The following DYDC1 variants were observed in gnomAD, a reference collection of about 807,000 sequenced individuals.
DYDC1 encodes the protein DPY30 domain-containing protein 1.
In DYDC1, 21 loss-of-function variants were observed where a neutral mutation model predicts 27.9. The observed-to-expected ratio is 0.75, with a 90% CI of 0.53 to 1.08. The LOEUF (loss-of-function observed/expected upper bound fraction) is 1.08, where lower values mean the gene tolerates loss of function less well. DYDC1 is among the 50% of genes least tolerant of loss of function. The pLI, the probability that DYDC1 is intolerant of heterozygous loss-of-function variation, is 0.00. For missense variants in DYDC1, 202 were observed against 205.9 expected (o/e 0.98, Z 0.12); for synonymous variants, 67 against 65.8 (o/e 1.02, Z -0.09).
intron 6 of DYDC1, among the ~76,000 whole-genome samples, chr10:80,337,843 C>A (rs1019910726): frequency 1.3e-5 from 2 of 152,206 alleles, no homozygotes; most frequent in African/African-American, 4.8e-5. Context: ...CAAAATGTAC[C>A]CTTCTTCCAG....
intron 4 of DYDC1, among the ~76,000 whole-genome samples, chr10:80,342,043 A>G (rs1842343489): frequency 7.3e-6 from 1 of 137,490 alleles, no homozygotes; most frequent in African/African-American, 2.8e-5. Flanking sequence ...AAAAAAAAAA[A>G]GGAACCAGTG....
chr10:80,356,145 T>C, intron 1 of DYDC1: 1 of 694,648 alleles, frequency 1.4e-6, no homozygotes, highest in African/African-American at 1.9e-5. Context: ...TCTGGGCATA[T>C]CAGTGGGACC....
intron 6 of DYDC1, among the ~76,000 whole-genome samples, chr10:80,336,571 T>C (rs558496324): frequency 6.6e-6 from 1 of 152,346 alleles, no homozygotes; most frequent in Admixed American, 6.5e-5. Flanking sequence ...GACTGCTGAA[T>C]TTATATCTCC....
downstream of DYDC1, chr10:80,336,061 AG>A (rs1462047566): frequency 4.5e-5 from 35 of 777,538 alleles, no homozygotes; most frequent in East Asian, 8.8e-4. Flanking sequence ...AAAAAAGGGG[AG>A]TTCAAGTTTG....
chr10:80,344,137 A>C lies in DYDC1; in HGVS notation c.250-1776T>G, dbSNP rs1199786051. Among the ~76,000 whole-genome samples the C allele has an allele frequency of 2.0e-5, 3 of 152,132 alleles. 1 individual carries two copies. The South Asian group carries it at 6.2e-4, about 32-fold the overall frequency. On this transcript the variant is annotated intron_variant, in intron 3 of 6. Coordinates refer to ENST00000372202, the MANE Select transcript of DYDC1 (RefSeq NM_001269053.2). ...TCTTAAAAAAATAAAAATAACAAAA[A>C]CAGAATTATCACAGCAGAATTTATT...
chr10:80,345,393 T>C (rs1025088063), intron 3 of DYDC1, among the ~76,000 whole-genome samples: 3 of 152,206 alleles, frequency 2.0e-5, no homozygotes, highest in African/African-American at 7.2e-5. Context: ...GCAATTTCAA[T>C]ATCCATCATC....
At position 80,351,998 on chromosome 10, in the gene DYDC1, T is replaced by G; in HGVS notation, c.152A>C (p.Gln51Pro). The G allele has an allele frequency of 6.2e-7, 1 of 1,614,064 alleles. No homozygotes were observed. The highest frequency in any genetic ancestry group is 8.5e-7 in the Non-Finnish European group (1 of 1,179,998). Residue 51 changes from glutamine (Q) to proline (P), a missense_variant, in exon 3 of 7, where the codon CAA becomes CCA. Physicochemically the swap from Gln to Pro is moderately conservative, Grantham distance 76. Coordinates refer to ENST00000372202, the MANE Select transcript of DYDC1 (RefSeq NM_001269053.2). ...ACGCTCCAGCTTGGCCATTTCCTTT[T>G]GTCTCTAGCATTGTTTAAAAACAAC... Reference protein sequence around the residue: ...KENVTMEQLRQKEMAKLERER... With the variant: ...KENVTMEQLRPKEMAKLERER...
intron 1 of DYDC1, 93 bp downstream of exon 1, chr10:80,356,619 G>A: frequency 1.0e-6 from 1 of 985,526 alleles, no homozygotes; most frequent in Non-Finnish European, 1.2e-6. Context: ...CGACGCCCAA[G>A]GCCCAACGGT....
intron 6 of DYDC1, chr10:80,337,045 C>A (rs1410820828): frequency 2.0e-5 from 18 of 884,094 alleles, no homozygotes; most frequent in Non-Finnish European, 2.3e-5. Flanking sequence ...CTTTATCCAC[C>A]TCTCCAGCTT....
chr10:80,348,477 C>G (rs763938256), intron 3 of DYDC1, among the ~76,000 whole-genome samples: 12 of 152,190 alleles, frequency 7.9e-5, no homozygotes, highest in African/African-American at 9.7e-5. Context: ...TCACAAGTAA[C>G]GTAAAGCTGC....
intron 3 of DYDC1, among the ~76,000 whole-genome samples, chr10:80,343,301 G>A (rs2132762819): frequency 1.3e-5 from 2 of 152,264 alleles, no homozygotes; most frequent in East Asian, 1.9e-4. Flanking sequence ...GTCTACGAGC[G>A]CTTTTGTGCT....
chr10:80,338,112 C>T, intron 6 of DYDC1: 2 of 985,410 alleles, frequency 2.0e-6, no homozygotes, highest in Non-Finnish European at 2.4e-6. Context: ...AGCATGCATT[C>T]TCATTAAGGC....
In DYDC1 at chr10:80,351,571, G is replaced by A. The variant is rs1842976858; in HGVS notation, c.249+330C>T. Among the ~76,000 whole-genome samples, 3 of 150,208 alleles carry A rather than the reference G, an allele frequency of 2.0e-5. No homozygotes were observed. The South Asian group carries it at 6.4e-4, about 32-fold the overall frequency. ...TTTCCATTCAGCAATAGATATGGTT[G>A]ACCACTCAGATCTCACCAAAACAGT... On this transcript the variant is annotated intron_variant, in intron 3 of 6. Coordinates refer to ENST00000372202, the MANE Select transcript of DYDC1 (RefSeq NM_001269053.2).
At chr10:80,352,650 C>T (rs1338989352) in intron 1 of DYDC1, 40 bp from the exon 2 acceptor site, 6 of 1,568,320 alleles carry the variant, frequency 3.8e-6, no homozygotes, top group South Asian at 1.2e-5. Flanking sequence ...AGGATATTTT[C>T]AATAAAGTCA....
chr10:80,339,469 T>C (rs1296627528), intron 4 of DYDC1, among the ~76,000 whole-genome samples: 1 of 113,718 alleles, frequency 8.8e-6, no homozygotes, highest in Admixed American at 9.8e-5. Flanking sequence ...AAAATTATAA[T>C]AGAACCTTAG....
rs545385672 is a variant in DYDC1, at chr10:80,337,283, C to A, written c.505-1098G>T. The A allele has an allele frequency of 2.2e-5, 22 of 985,504 alleles. No homozygotes were observed. In the South Asian group the frequency reaches 8.9e-4, roughly 40 times the overall value. The allele number at this position is 985,504 out of a possible 1,614,324, so 61.0% of individuals were successfully genotyped here. On this transcript the variant is annotated intron_variant, in intron 6 of 6. Coordinates refer to ENST00000372202, the MANE Select transcript of DYDC1 (RefSeq NM_001269053.2). The stretch of plus-strand genomic sequence containing the variant: ...CGGCCCCCAAGGGCAGAAGCCCAAT[C>A]CATTTTGTTCATTGGCATTTTCTAG...
chr10:80,342,247 C>T (rs1339288834), intron 4 of DYDC1, 22 bp downstream of exon 4: 1 of 1,605,656 alleles, frequency 6.2e-7, no homozygotes, highest in Non-Finnish European at 8.5e-7. Flanking sequence ...ATAAAACTGA[C>T]ATTTATAAAA....
chr10:80,355,005 T>C (rs1178874041), intron 1 of DYDC1, among the ~76,000 whole-genome samples: 1 of 150,894 alleles, frequency 6.6e-6, no homozygotes, highest in East Asian at 2.0e-4. Context: ...ATAAGTACTA[T>C]GAGACCAGAC....
At chr10:80,339,533 G>A (rs554366726) in intron 4 of DYDC1, among the ~76,000 whole-genome samples, 3 of 152,140 alleles carry the variant, frequency 2.0e-5, no homozygotes, top group Non-Finnish European at 2.9e-5. Flanking sequence ...TGCACATACC[G>A]AGAAAGAAGT....
Sources: gnomAD v4.1 joint callset for allele counts (sites outside exome capture counted in the v4.1 genomes callset) on GRCh38, gnomAD v4.1.1 for gene constraint, MANE v1.5 for transcripts, NCBI Gene and HGNC (gene_info 2026-07-23, HGNC 2026-07-21) for gene names.